Variants in CXCL13 observed in about 807,000 individuals in gnomAD.
CXCL13 encodes the protein C-X-C motif chemokine 13.
Under a neutral mutation model 12.2 loss-of-function variants are expected in CXCL13, and 7 were observed. The ratio of observed to expected loss-of-function variants is 0.57; its 90% CI spans 0.33 to 1.07. CXCL13 has a LOEUF of 1.07. Among genes scored for constraint, CXCL13 ranks in the 50% least tolerant of loss-of-function variants. The pLI is 0.04. For synonymous variants in CXCL13, 47 were observed against 42.4 expected (o/e 1.11, Z -0.42); for missense variants, 113 against 127.4 (o/e 0.89, Z 0.55).
intron 1 of CXCL13, among the ~76,000 whole-genome samples, chr4:77,515,363 T>C (rs1411071847): frequency 6.6e-6 from 1 of 152,172 alleles, no homozygotes; most frequent in Admixed American, 6.5e-5. Context: ...GGTAGCTTGA[T>C]GGGGATGGCA....
At chr4:77,512,914 G>C (rs1724309561) in intron 1 of CXCL13, among the ~76,000 whole-genome samples, 1 of 152,054 alleles carries the variant, frequency 6.6e-6, no homozygotes, top group Non-Finnish European at 1.5e-5. Flanking sequence ...TTCTCCTAAT[G>C]CTATACCTCA....
At chr4:77,515,177 A>G (rs1368572261) in intron 1 of CXCL13, among the ~76,000 whole-genome samples, 4 of 152,250 alleles carry the variant, frequency 2.6e-5, no homozygotes, top group East Asian at 1.9e-4. Flanking sequence ...TCTCTGTTTT[A>G]GTACCAGTGC....
intron 1 of CXCL13, among the ~76,000 whole-genome samples, chr4:77,592,180 T>G (rs1050068185): frequency 6.6e-6 from 1 of 152,242 alleles, no homozygotes; most frequent in Non-Finnish European, 1.5e-5. Context: ...GATATGGAAA[T>G]AATCTAAGTG....
chr4:77,517,596 T>A (rs1227724575), intron 1 of CXCL13, among the ~76,000 whole-genome samples: 1 of 152,224 alleles, frequency 6.6e-6, no homozygotes, highest in Non-Finnish European at 1.5e-5. Flanking sequence ...TTTGTTGGTT[T>A]AAAGTCTGTT....
chr4:77,598,639 C>G (rs113422446), intron 1 of CXCL13, among the ~76,000 whole-genome samples: 1 of 152,100 alleles, frequency 6.6e-6, no homozygotes, highest in Admixed American at 6.5e-5. Flanking sequence ...GCTACACCAC[C>G]AGAAAGGGAG....
chr4:77,560,493 A>G (rs1485670090), intron 1 of CXCL13, among the ~76,000 whole-genome samples: 4 of 152,204 alleles, frequency 2.6e-5, no homozygotes, highest in African/African-American at 9.6e-5. Context: ...GAATCATTTT[A>G]TTAAAGTTCT....
At chr4:77,572,225 A>G (rs1474928827) in intron 1 of CXCL13, among the ~76,000 whole-genome samples, 5 of 151,776 alleles carry the variant, frequency 3.3e-5, no homozygotes, top group African/African-American at 4.9e-5. Context: ...ACAAGGTGAA[A>G]TTCCATCTCC....
At chr4:77,576,335 T>C (rs1176670554) in intron 1 of CXCL13, among the ~76,000 whole-genome samples, 1 of 152,248 alleles carries the variant, frequency 6.6e-6, no homozygotes, top group Non-Finnish European at 1.5e-5. Flanking sequence ...TTATGGCCTT[T>C]AATAATTGAG....
At position 77,610,669 on chromosome 4, in the gene CXCL13, C is replaced by T; in HGVS notation, c.253C>T (p.Gln85Ter). 1 of 1,612,878 alleles carries T rather than the reference C, an allele frequency of 6.2e-7. No individual in the cohort carries two copies. The highest frequency in any genetic ancestry group is 1.7e-5 in the Admixed American group (1 of 60,018). ...TGTGGACCCTCAAGCTGAATGGATA[C>T]AAAGAATGATGGAAGTATTGAGAAA... ...VCVDPQAEWI[Q>*]RMMEVLRKRS... Residue 85 changes from glutamine (Q) to a stop codon, truncating the protein, a stop_gained, in exon 3 of 4, where the codon CAA (glutamine) becomes TAA (stop). Coordinates refer to ENST00000682537, the MANE Select transcript of CXCL13 (RefSeq NM_001371558.1). LOFTEE classifies it low-confidence loss of function (END_TRUNC).
At chr4:77,558,865 C>A (rs1006677354) in intron 1 of CXCL13, among the ~76,000 whole-genome samples, 1 of 152,152 alleles carries the variant, frequency 6.6e-6, no homozygotes, top group Non-Finnish European at 1.5e-5. Context: ...CTTTTTTGGA[C>A]CTTCTGTGAA....
chr4:77,524,250 C>T (rs987861711), intron 1 of CXCL13, among the ~76,000 whole-genome samples: 2 of 152,132 alleles, frequency 1.3e-5, no homozygotes, highest in Non-Finnish European at 2.9e-5. Context: ...TGGGAGAACC[C>T]CTTCTCTCTT....
intron 1 of CXCL13, among the ~76,000 whole-genome samples, chr4:77,521,782 A>T (rs887103454): frequency 9.9e-5 from 15 of 151,218 alleles, no homozygotes; most frequent in African/African-American, 3.4e-4. Context: ...TTGCTTCTCT[A>T]GTTTTTTTAA....
intron 1 of CXCL13, among the ~76,000 whole-genome samples, chr4:77,598,207 GGT>G (rs2109834221): frequency 6.6e-6 from 1 of 152,344 alleles, no homozygotes; most frequent in South Asian, 2.1e-4. Context: ...ATGCTCCTGT[GGT>G]AGCAGCTGAA....
intron 1 of CXCL13, among the ~76,000 whole-genome samples, chr4:77,565,865 TC>T (rs1468457326): frequency 6.6e-6 from 1 of 152,184 alleles, no homozygotes; most frequent in Non-Finnish European, 1.5e-5. Flanking sequence ...AAACTGCATT[TC>T]CCTAGGTGGA....
intron 1 of CXCL13, among the ~76,000 whole-genome samples, chr4:77,544,922 T>C (rs1725314888): frequency 6.6e-6 from 1 of 152,208 alleles, no homozygotes; most frequent in Non-Finnish European, 1.5e-5. Flanking sequence ...TTAATTTTTG[T>C]ATAAGGGGTA....
chr4:77,522,898 G>A (rs1347950418), intron 1 of CXCL13, among the ~76,000 whole-genome samples: 1 of 152,120 alleles, frequency 6.6e-6, no homozygotes, highest in Non-Finnish European at 1.5e-5. Flanking sequence ...TTGTAAGGCA[G>A]GCCTGGTGGT....
intron 1 of CXCL13, among the ~76,000 whole-genome samples, chr4:77,539,798 G>A (rs920944880): frequency 6.6e-6 from 1 of 152,138 alleles, no homozygotes; most frequent in Admixed American, 6.6e-5. Flanking sequence ...ATTTCAGCGA[G>A]ACAGTTAACA....
chr4:77,530,244 T>G (rs1041932793), intron 1 of CXCL13, among the ~76,000 whole-genome samples: 4 of 152,152 alleles, frequency 2.6e-5, no homozygotes, highest in Non-Finnish European at 5.9e-5. Context: ...TCTCTTTTTT[T>G]GTTGTGTCTC....
intron 1 of CXCL13, among the ~76,000 whole-genome samples, chr4:77,531,860 G>A (rs1228504283): frequency 1.3e-5 from 2 of 152,104 alleles, no homozygotes; most frequent in African/African-American, 2.4e-5. Flanking sequence ...CAGAGACTAG[G>A]ATTGCAACCC....
Sources: allele counts gnomAD v4.1 joint callset (sites outside exome capture counted in the v4.1 genomes callset), GRCh38; gene constraint gnomAD v4.1.1; transcripts MANE v1.5; gene names NCBI Gene and HGNC (gene_info 2026-07-23, HGNC 2026-07-21).